Variants in ARL15 observed in about 807,000 individuals in gnomAD.
The protein encoded by ARL15 is ARF like GTPase 15.
Under a neutral mutation model 25.2 loss-of-function variants are expected in ARL15, and 19 were observed. The ratio of observed to expected loss-of-function variants is 0.75; its 90% CI spans 0.53 to 1.10. ARL15 has a LOEUF of 1.10. Among genes scored for constraint, ARL15 ranks in the 50% least tolerant of loss-of-function variants. The pLI is 0.00. For synonymous variants in ARL15, 94 were observed against 86.8 expected, an observed-to-expected ratio of 1.08 and a Z score of -0.46; for missense variants, 220 against 246.0, an observed-to-expected ratio of 0.89 and a Z score of 0.71.
At chr5:53,936,071 G>A (rs185136391) in intron 4 of ARL15, among the ~76,000 whole-genome samples, 2 of 149,070 alleles carry the variant, frequency 1.3e-5, no homozygotes, top group East Asian at 3.9e-4. Flanking sequence ...TGTAATCTCA[G>A]AGAAGAAAAA....
At chr5:54,286,723 G>A (rs1257893466) in intron 1 of ARL15, among the ~76,000 whole-genome samples, 1 of 152,142 alleles carries the variant, frequency 6.6e-6, no homozygotes, top group Non-Finnish European at 1.5e-5. Context: ...TAAAAAGTAT[G>A]GAGGGAGAGA....
At chr5:54,003,785 C>T (rs780885010) in intron 4 of ARL15, among the ~76,000 whole-genome samples, 2 of 151,656 alleles carry the variant, frequency 1.3e-5, no homozygotes, top group East Asian at 1.9e-4. Context: ...CTTTTAAAAA[C>T]GAAAAACAAA....
intron 4 of ARL15, among the ~76,000 whole-genome samples, chr5:53,984,580 T>A (rs1008806499): frequency 6.6e-6 from 1 of 152,112 alleles, no homozygotes; most frequent in African/African-American, 2.4e-5. Flanking sequence ...GCTCTACAAT[T>A]AACATCATCA....
At chr5:53,929,824 G>A (rs182701757) in intron 4 of ARL15, among the ~76,000 whole-genome samples, 1 of 152,138 alleles carries the variant, frequency 6.6e-6, no homozygotes, top group Non-Finnish European at 1.5e-5. Flanking sequence ...ATGCAAATGG[G>A]AAATAAAGGT....
intron 4 of ARL15, among the ~76,000 whole-genome samples, chr5:53,977,793 C>T (rs1015218900): frequency 6.6e-6 from 1 of 152,168 alleles, no homozygotes; most frequent in African/African-American, 2.4e-5. Context: ...CTGGTGCTCT[C>T]TATGCAGTGC....
At chr5:54,178,544 T>C (rs1754954094) in intron 1 of ARL15, among the ~76,000 whole-genome samples, 2 of 152,182 alleles carry the variant, frequency 1.3e-5, no homozygotes, top group South Asian at 4.1e-4. Context: ...ATCCATGAGT[T>C]AGTACCTAAA....
intron 4 of ARL15, chr5:53,887,437 A>T: frequency 4.3e-6 from 3 of 697,038 alleles, no homozygotes; most frequent in Non-Finnish European, 7.8e-6. Context: ...AAACCTGTTC[A>T]ATTAATAACC....
intron 2 of ARL15, among the ~76,000 whole-genome samples, chr5:54,159,681 C>G (rs1300928865): frequency 6.6e-6 from 1 of 152,158 alleles, no homozygotes; most frequent in East Asian, 1.9e-4. Context: ...TCATTTTTTC[C>G]TGGCCTATCT....
At chr5:53,921,089 C>T (rs1054462999) in intron 4 of ARL15, among the ~76,000 whole-genome samples, 6 of 152,196 alleles carry the variant, frequency 3.9e-5, no homozygotes, top group African/African-American at 1.4e-4. Flanking sequence ...AGTGGCAAGA[C>T]ATCGAGAATG....
At chr5:54,102,759 TG>T (rs1277260065) in intron 4 of ARL15, among the ~76,000 whole-genome samples, 1 of 152,206 alleles carries the variant, frequency 6.6e-6, no homozygotes, top group Non-Finnish European at 1.5e-5. Context: ...TTTTCCACTC[TG>T]GCCCCTTTCA....
chr5:54,249,628 C>A, intron 1 of ARL15, among the ~76,000 whole-genome samples: 1 of 128,796 alleles, frequency 7.8e-6, no homozygotes, highest in Middle Eastern at 4.7e-3. Flanking sequence ...TTCATGAGGT[C>A]ATATCTGAGA....
chr5:54,064,163 G>A (rs986959313), intron 4 of ARL15, among the ~76,000 whole-genome samples: 10 of 152,016 alleles, frequency 6.6e-5, no homozygotes, highest in Non-Finnish European at 1.3e-4. Flanking sequence ...GCACTATTCC[G>A]CCTCTGTTTC....
chr5:54,071,522 C>G (rs397778579), intron 4 of ARL15, among the ~76,000 whole-genome samples: 11 of 111,758 alleles, frequency 9.8e-5, no homozygotes, highest in Middle Eastern at 4.0e-3. Flanking sequence ...CCCCCCCCCC[C>G]CCCGCAAAGC....
At chr5:54,156,229 T>C (rs947552562) in intron 2 of ARL15, among the ~76,000 whole-genome samples, 5 of 152,170 alleles carry the variant, frequency 3.3e-5, no homozygotes, top group Non-Finnish European at 7.3e-5. Flanking sequence ...ACATAGTATA[T>C]AATGTTTGAA....
At chr5:54,281,816 G>A (rs146926606) in intron 1 of ARL15, among the ~76,000 whole-genome samples, 30 of 152,168 alleles carry the variant, frequency 2.0e-4, no homozygotes, top group African/African-American at 5.8e-4. Flanking sequence ...GTATTTTCCC[G>A]TGACTTGTTT....
intron 4 of ARL15, among the ~76,000 whole-genome samples, chr5:53,960,538 G>A (rs914342426): frequency 6.6e-6 from 1 of 152,302 alleles, no homozygotes; most frequent in East Asian, 1.9e-4. Context: ...GTTGTGACAG[G>A]AGCATTCAGT....
At chr5:54,103,708 T>C (rs1354181054) in intron 4 of ARL15, among the ~76,000 whole-genome samples, 14 of 152,128 alleles carry the variant, frequency 9.2e-5, no homozygotes, top group Non-Finnish European at 1.3e-4. Context: ...GCACATGCAA[T>C]TCATAGGTAA....
intron 1 of ARL15, among the ~76,000 whole-genome samples, chr5:54,213,683 C>A (rs1366085331): frequency 2.0e-5 from 3 of 152,128 alleles, no homozygotes; most frequent in Non-Finnish European, 4.4e-5. Context: ...TTTGAGAAGT[C>A]TTCCAGTTTT....
intron 4 of ARL15, among the ~76,000 whole-genome samples, chr5:54,065,096 C>T (rs982911123): frequency 6.6e-6 from 1 of 152,112 alleles, no homozygotes; most frequent in Admixed American, 6.6e-5. Context: ...GATCTGTAAG[C>T]TATTTCTAGC....
Sources: allele counts gnomAD v4.1 joint callset (sites outside exome capture counted in the v4.1 genomes callset), GRCh38; gene constraint gnomAD v4.1.1; transcripts MANE v1.5; gene names NCBI Gene and HGNC (gene_info 2026-07-23, HGNC 2026-07-21).